GPC6: variants seen among roughly 807,000 people sequenced by gnomAD.
GPC6 encodes the protein glypican 6, also known as glypican-6.
A neutral mutation model predicts 55.2 loss-of-function variants in GPC6; 14 were observed. The ratio of observed to expected loss-of-function variants is 0.25; its 90% CI spans 0.17 to 0.40. The LOEUF is 0.40. GPC6 is among the 10% of genes least tolerant of loss of function. GPC6 has a pLI of 1.00. For missense variants in GPC6, 641 were observed against 708.5 expected (o/e 0.90, Z 1.08); for synonymous variants, 278 against 259.6 (o/e 1.07, Z -0.68).
At chr13:93,852,096 G>C (rs926807273) in intron 3 of GPC6, among the ~76,000 whole-genome samples, 4 of 151,606 alleles carry the variant, frequency 2.6e-5, no homozygotes, top group Non-Finnish European at 4.4e-5. Flanking sequence ...TTTAAACACT[G>C]TAATATTCTG....
At chr13:93,585,326 T>G (rs1313972089) in intron 2 of GPC6, among the ~76,000 whole-genome samples, 1 of 152,138 alleles carries the variant, frequency 6.6e-6, no homozygotes. Context: ...TCATTCTACC[T>G]GGTATATGTT....
chr13:94,226,132 A>G (rs547922240), intron 4 of GPC6, among the ~76,000 whole-genome samples: 1 of 152,338 alleles, frequency 6.6e-6, no homozygotes, highest in South Asian at 2.1e-4. Context: ...TTATGAGGAA[A>G]ACACAACAGA....
intron 3 of GPC6, among the ~76,000 whole-genome samples, chr13:94,020,356 A>G (rs952757610): frequency 1.3e-5 from 2 of 152,126 alleles, no homozygotes; most frequent in African/African-American, 4.8e-5. Flanking sequence ...ACTTTGTACG[A>G]TTGCAATCTT....
rs71126408 is a variant in GPC6 at position 93,667,735 on chromosome 13, G to GTTTTTTTTTTTTTT, written c.319+122327_319+122328insTTTTTTTTTTTTTT. The stretch of plus-strand genomic sequence containing the variant: ...AAACCACCACACCCAGCCAGGACTT[G>GTTTTTTTTTTTTTT]TTTTTTTTTTTTTCTGTCAAATTTG... On this transcript the variant is annotated intron_variant, in intron 2 of 8. Transcript: ENST00000377047. Among the ~76,000 whole-genome samples, 227 of 122,742 alleles carry GTTTTTTTTTTTTTT rather than the reference G, an allele frequency of 1.8e-3. 2 individuals are homozygous for GTTTTTTTTTTTTTT. The highest frequency in any genetic ancestry group is 3.2e-3 in the African/African-American group (86 of 26,958). The allele number at this position is 122,742 out of a possible 152,430, so 80.5% of individuals were successfully genotyped here.
At chr13:94,294,846 C>CT (rs1467380357) in intron 5 of GPC6, among the ~76,000 whole-genome samples, 1 of 151,992 alleles carries the variant, frequency 6.6e-6, no homozygotes, top group Admixed American at 6.6e-5. Flanking sequence ...CATATTATTC[C>CT]TTTTTTTACG....
At chr13:93,276,107 C>T (rs1363456580) in intron 1 of GPC6, among the ~76,000 whole-genome samples, 1 of 152,128 alleles carries the variant, frequency 6.6e-6, no homozygotes, top group Non-Finnish European at 1.5e-5. Context: ...ATCTCCTGAC[C>T]TCGTGATCCA....
chr13:94,097,506 C>CAAAAAAAAAAAAAAAAAA (rs869307863), intron 4 of GPC6, among the ~76,000 whole-genome samples: 1 of 70,258 alleles, frequency 1.4e-5, no homozygotes. Flanking sequence ...GACTCTGTCT[C>CAAAAAAAAAAAAAAAAAA]AAAAAAAAAA....
chr13:93,912,286 C>T (rs556972826), intron 3 of GPC6, among the ~76,000 whole-genome samples: 54 of 152,282 alleles, frequency 3.5e-4, no homozygotes, highest in African/African-American at 1.3e-3. Context: ...TTCAAAATTA[C>T]TTTCTTTCCA....
chr13:93,725,549 A>G (rs1883605074), intron 2 of GPC6, among the ~76,000 whole-genome samples: 1 of 152,076 alleles, frequency 6.6e-6, no homozygotes, highest in African/African-American at 2.4e-5. Context: ...AAAAAAATAG[A>G]GAGAGTAGAT....
chr13:94,004,636 G>A (rs1478057930), intron 3 of GPC6, among the ~76,000 whole-genome samples: 2 of 152,186 alleles, frequency 1.3e-5, no homozygotes, highest in Non-Finnish European at 1.5e-5. Context: ...AAGATGCAAT[G>A]TCAAGCTTTC....
chr13:93,519,604 C>T (rs1236537498), intron 1 of GPC6, among the ~76,000 whole-genome samples: 1 of 151,886 alleles, frequency 6.6e-6, no homozygotes, highest in Admixed American at 6.6e-5. Flanking sequence ...AAATAAAACA[C>T]TCACCAAAGC....
chr13:93,217,297 T>C, the GPC6 span, among the ~76,000 whole-genome samples: 1 of 152,250 alleles, frequency 6.6e-6, no homozygotes. Flanking sequence ...TTTAAACACT[T>C]TGCAAGGGCA....
At chr13:93,377,065 AT>A (rs1306718290) in intron 1 of GPC6, among the ~76,000 whole-genome samples, 23 of 152,180 alleles carry the variant, frequency 1.5e-4, no homozygotes, top group Non-Finnish European at 3.4e-4. Context: ...GGTTTCACAA[AT>A]GCACAGTTGT....
intron 1 of GPC6, among the ~76,000 whole-genome samples, chr13:93,441,361 T>C (rs1198489368): frequency 1.3e-5 from 2 of 152,126 alleles, no homozygotes; most frequent in Admixed American, 6.5e-5. Flanking sequence ...TACCCATTGT[T>C]TCCTGACTTT....
chr13:93,359,847 T>A (rs2038726), intron 1 of GPC6, among the ~76,000 whole-genome samples: 9,186 of 152,244 alleles, frequency 0.06, 392 homozygotes, highest in East Asian at 0.12. Flanking sequence ...ACATTTTTTT[T>A]AATCTCCATG....
At chr13:93,680,340 C>T (rs1055286044) in intron 2 of GPC6, among the ~76,000 whole-genome samples, 1 of 152,132 alleles carries the variant, frequency 6.6e-6, no homozygotes, top group Non-Finnish European at 1.5e-5. Context: ...TATGCCAACA[C>T]CTTGCTTTTG....
At chr13:93,827,625 C>T (rs1198353766) in intron 2 of GPC6, among the ~76,000 whole-genome samples, 1 of 152,096 alleles carries the variant, frequency 6.6e-6, no homozygotes, top group African/African-American at 2.4e-5. Context: ...AATAACTTGA[C>T]TTTGAGGATC....
intron 1 of GPC6, among the ~76,000 whole-genome samples, chr13:93,506,106 A>C (rs1001323295): frequency 1.3e-5 from 2 of 152,146 alleles, no homozygotes; most frequent in African/African-American, 4.8e-5. Flanking sequence ...GATAGGAGAA[A>C]GTTGTTTATT....
chr13:93,796,763 G>A (rs544395852), intron 2 of GPC6, among the ~76,000 whole-genome samples: 221 of 152,086 alleles, frequency 1.5e-3, no homozygotes, highest in Admixed American at 2.6e-3. Flanking sequence ...CTTAGGAGAG[G>A]AATAAAACAA....
Sources: allele counts gnomAD v4.1 joint callset (sites outside exome capture counted in the v4.1 genomes callset), GRCh38; gene constraint gnomAD v4.1.1; transcripts MANE v1.5; gene names NCBI Gene and HGNC (gene_info 2026-07-23, HGNC 2026-07-21).